The following ZBTB16 variants were observed in gnomAD, a reference collection of about 807,000 sequenced individuals.
ZBTB16 encodes zinc finger and BTB domain-containing protein 16.
In ZBTB16, 8 loss-of-function variants were observed where a neutral mutation model predicts 56.8. The observed-to-expected ratio is 0.14, with a 90% CI of 0.08 to 0.25. The LOEUF is 0.25. ZBTB16 is among the 10% of genes least tolerant of loss of function. The pLI, the probability that ZBTB16 is intolerant of heterozygous loss-of-function variation, is 1.00. For missense variants in ZBTB16, 625 were observed against 903.0 expected, an observed-to-expected ratio of 0.69 and a Z score of 3.95; for synonymous variants, 363 against 368.5, an observed-to-expected ratio of 0.98 and a Z score of 0.17.
At chr11:114,187,460 G>A in intron 4 of ZBTB16, 1 of 252,468 alleles carries the variant, frequency 4.0e-6, no homozygotes. Context: ...CTCTGCGAGA[G>A]CTGAGACATT....
rs538616947 is a variant in ZBTB16, at chr11:114,112,920, A to C, written c.1269-43417A>C. Among the ~76,000 whole-genome samples, 7 of 151,894 alleles carry C rather than the reference A, an allele frequency of 4.6e-5. No homozygotes were observed. The East Asian group carries it at 1.4e-3, about 30-fold the overall frequency. On this transcript the variant is annotated intron_variant, in intron 2 of 6. Transcript: ENST00000335953. Reference sequence around the variant, plus strand: ...CTGTGACTACAGGGAATGCACTACCATACCTAGGTTTTTAAATTTTTTAAA... The same window carrying C: ...CTGTGACTACAGGGAATGCACTACCCTACCTAGGTTTTTAAATTTTTTAAA...
intron 2 of ZBTB16, among the ~76,000 whole-genome samples, chr11:114,077,319 G>A (rs550629767): frequency 1.7e-4 from 26 of 152,244 alleles, no homozygotes; most frequent in African/African-American, 5.8e-4. Flanking sequence ...TTCTTGATGT[G>A]AGTTTGCCCT....
intron 4 of ZBTB16, 49 bp from the exon 5 acceptor site, chr11:114,242,118 A>C: frequency 6.2e-7 from 1 of 1,610,304 alleles, no homozygotes; most frequent in Non-Finnish European, 8.5e-7. Context: ...TAAAGAATGC[A>C]CCTTGTATTC....
chr11:114,123,416 C>T (rs574910463), intron 2 of ZBTB16, among the ~76,000 whole-genome samples: 2 of 152,258 alleles, frequency 1.3e-5, no homozygotes, highest in Admixed American at 6.5e-5. Context: ...CGAACTCAAA[C>T]ACATTGCACT....
intron 4 of ZBTB16, among the ~76,000 whole-genome samples, chr11:114,213,687 C>G (rs967712070): frequency 2.6e-5 from 4 of 152,176 alleles, no homozygotes; most frequent in Non-Finnish European, 5.9e-5. Flanking sequence ...CATAGGTAGC[C>G]TTCTCTGGGG....
chr11:114,168,174 C>G (rs921638238), intron 3 of ZBTB16, among the ~76,000 whole-genome samples: 3 of 152,200 alleles, frequency 2.0e-5, no homozygotes, highest in African/African-American at 7.2e-5. Context: ...GGTTATAACT[C>G]AGTCATTTGA....
chr11:114,102,933 GC>G (rs1940665239), intron 2 of ZBTB16, among the ~76,000 whole-genome samples: 1 of 152,174 alleles, frequency 6.6e-6, no homozygotes. Flanking sequence ...CTTTGTGTGT[GC>G]CCATATTAAC....
In ZBTB16 at chr11:114,203,665, G is replaced by A. The variant is rs1408910927; in HGVS notation, c.1453+16627G>A. ...CAATTAAAATAAAAAACAACTTCCA[G>A]GTATGTTGTTGGTTCTTACAGACTT... On this transcript the variant is annotated intron_variant, in intron 4 of 6. Transcript: ENST00000335953. 3.4e-5 allele frequency among the ~76,000 whole-genome samples: 5 copies of A among 148,692 alleles called. No homozygotes were observed. The East Asian group carries it at 9.9e-4, about 29-fold the overall frequency.
At chr11:114,091,600 TCCTCCCTC>T (rs61335253) in intron 2 of ZBTB16, among the ~76,000 whole-genome samples, 2 of 147,978 alleles carry the variant, frequency 1.4e-5, no homozygotes, top group South Asian at 4.5e-4. Flanking sequence ...AATCTTTTGT[TCCTCCCTC>T]CCTCCCTCCC....
intron 2 of ZBTB16, among the ~76,000 whole-genome samples, chr11:114,110,166 G>A (rs1196381353): frequency 6.6e-6 from 1 of 152,082 alleles, no homozygotes. Context: ...ATGGAGAAGC[G>A]AACCCTTTCC....
intron 4 of ZBTB16, among the ~76,000 whole-genome samples, chr11:114,204,581 T>A (rs1242598930): frequency 1.3e-5 from 2 of 152,228 alleles, no homozygotes; most frequent in East Asian, 3.8e-4. Flanking sequence ...ATTCGTTTTT[T>A]TCTCCCCATG....
chr11:114,079,414 G>A (rs1939684786), intron 2 of ZBTB16, among the ~76,000 whole-genome samples: 1 of 152,164 alleles, frequency 6.6e-6, no homozygotes, highest in Non-Finnish European at 1.5e-5. Flanking sequence ...TACTAACCCT[G>A]TGCTAGCAGC....
At chr11:114,105,909 T>C (rs2137765913) in intron 2 of ZBTB16, among the ~76,000 whole-genome samples, 1 of 152,384 alleles carries the variant, frequency 6.6e-6, no homozygotes, top group Non-Finnish European at 1.5e-5. Context: ...GTGGTTTTTC[T>C]TCATTTAGCT....
chr11:114,105,336 G>A (rs1306114808), intron 2 of ZBTB16, among the ~76,000 whole-genome samples: 8 of 152,012 alleles, frequency 5.3e-5, no homozygotes, highest in African/African-American at 1.9e-4. Flanking sequence ...CACCTCCTGG[G>A]TCCAAGCAAT....
intron 4 of ZBTB16, among the ~76,000 whole-genome samples, chr11:114,231,565 G>A (rs1005738972): frequency 6.6e-6 from 1 of 152,184 alleles, no homozygotes; most frequent in African/African-American, 2.4e-5. Context: ...CTCAAGTCCT[G>A]TGAAATTTTC....
chr11:114,063,376 C>G lies in ZBTB16; in HGVS notation c.76C>G (p.Gln26Glu), dbSNP rs1180284437. 6.2e-7 allele frequency: 1 copy of G among 1,614,174 alleles called. No homozygotes were observed. Among genetic ancestry groups the G allele is most frequent in the South Asian group, 1.1e-5 (1 of 91,086 alleles). The change falls in exon 2 of 7, where the codon CAG (glutamine) becomes GAG (glutamate). Residue 26 changes from glutamine to glutamate, a missense_variant. Gln to Glu is a conservative substitution (Grantham distance 29, BLOSUM62 2). Transcript: ENST00000335953. This position sits in a 1 kb window ranked among gnomAD's most constrained non-coding sequence, Gnocchi z 6.5. ...CACGGGGCTACTGTGCAAGGCCAACCAGATGCGGCTGGCCGGGACTTTGTG... is the reference window on the plus strand; with the variant it reads ...CACGGGGCTACTGTGCAAGGCCAACGAGATGCGGCTGGCCGGGACTTTGTG... ...HPTGLLCKAN[Q>E]MRLAGTLCDV...
In ZBTB16 at chr11:114,256,032, T is replaced by G. The variant is rs866898446; in HGVS notation, c.*5477T>G. ...ACTTGGTTTTGTTTTGTTTTTTTTT[T>G]TTGTTTTTTTTGCCTTTTCTTGTGT... is the stretch of plus-strand genomic sequence containing the variant. On this transcript the variant is annotated 3_prime_UTR_variant, in exon 7 of 7. Coordinates refer to ENST00000335953, the MANE Select transcript of ZBTB16 (RefSeq NM_006006.6). Among the ~76,000 whole-genome samples the G allele has an allele frequency of 5.6e-3, 670 of 120,384 alleles. 10 individuals carry two copies. Among genetic ancestry groups the G allele is most frequent in the African/African-American group, 0.017 (600 of 35,132 alleles). 79.0% of individuals were successfully genotyped at this position (120,384 alleles called of 152,430 possible).
intron 2 of ZBTB16, among the ~76,000 whole-genome samples, chr11:114,149,130 A>G (rs1942220872): frequency 6.6e-6 from 1 of 152,040 alleles, no homozygotes; most frequent in East Asian, 1.9e-4. Context: ...AGTTTTGTAA[A>G]CCTGGTTGGA....
At chr11:114,129,877 G>A (rs188714810) in intron 2 of ZBTB16, among the ~76,000 whole-genome samples, 2 of 152,178 alleles carry the variant, frequency 1.3e-5, no homozygotes, top group East Asian at 1.9e-4. Flanking sequence ...TCTCTCCTGC[G>A]GCCCGCTTTC....
Sources: gnomAD v4.1 joint callset for allele counts (sites outside exome capture counted in the v4.1 genomes callset) on GRCh38, gnomAD v4.1.1 for gene constraint, Gnocchi (gnomAD v3.1) non-coding constraint, MANE v1.5 for transcripts, NCBI Gene and HGNC (gene_info 2026-07-23, HGNC 2026-07-21) for gene names.